CPNE5: variants seen among roughly 807,000 people sequenced by gnomAD.
The protein encoded by CPNE5 is copine-5.
A neutral mutation model predicts 81.1 loss-of-function variants in CPNE5; 42 were observed. That is an observed-to-expected ratio of 0.52 (90% CI 0.40 to 0.67). CPNE5 has a LOEUF of 0.67. Ranked by LOEUF, CPNE5 falls within the 30% of genes least tolerant of loss-of-function variation. CPNE5 has a pLI of 0.00. For missense variants in CPNE5, 612 were observed against 815.5 expected (o/e 0.75, Z 3.04); for synonymous variants, 313 against 321.5 (o/e 0.97, Z 0.28).
chr6:36,803,915 C>T (rs1221326936), intron 3 of CPNE5, among the ~76,000 whole-genome samples: 6 of 152,066 alleles, frequency 3.9e-5, no homozygotes, highest in African/African-American at 9.7e-5. Context: ...CCTAGGTGAT[C>T]GTAATGTGCA....
At chr6:36,809,298 G>A (rs1025442768) in intron 3 of CPNE5, among the ~76,000 whole-genome samples, 1 of 152,104 alleles carries the variant, frequency 6.6e-6, no homozygotes, top group African/African-American at 2.4e-5. Context: ...CAACCCTCCT[G>A]TGATTTCCTT....
rs1763639000 is a variant in CPNE5 at position 36,742,328 on chromosome 6, G to A, written c.1722C>T (p.His574=). Residue 574 remains histidine (H), a synonymous_variant, in exon 21 of 21, where the codon CAC becomes CAT. Coordinates refer to ENST00000244751, the MANE Select transcript of CPNE5 (RefSeq NM_020939.2). ...RPRPPPAAPT[H]SPSQSPARTP... is the part of the protein sequence containing the mutation. ...TGCGGGCTGGGGACTGCGAGGGCGA[G>A]TGGGTTGGTGCTGCGGGTGGGGGAC... The A allele has an allele frequency of 1.9e-6, 3 of 1,611,882 alleles. No homozygotes were observed. Among genetic ancestry groups the A allele is most frequent in the South Asian group, 2.2e-5 (2 of 91,062 alleles).
At position 36,794,459 on chromosome 6, in the gene CPNE5, ACT is replaced by A. The variant is rs1369169651; in HGVS notation, c.464+129_464+130del. ...CTGGGTGCCTAAGGAGGAACCCAGG[ACT>A]CTCTGTCCCCGGATCAGGGCCAAAT... is the stretch of plus-strand genomic sequence containing the variant. On this transcript the variant is annotated intron_variant, in intron 7 of 20. Transcript: ENST00000244751. The A allele has an allele frequency of 3.6e-5, 29 of 809,192 alleles. No individual in the cohort carries two copies. The East Asian group carries it at 5.9e-4, about 16-fold the overall frequency. 50.1% of individuals were successfully genotyped at this position (809,192 alleles called of 1,614,324 possible).
At chr6:36,792,118 G>C in intron 7 of CPNE5, 22 bp from the exon 8 acceptor site, 1 of 1,610,090 alleles carries the variant, frequency 6.2e-7, no homozygotes, top group Non-Finnish European at 8.5e-7. Context: ...GAAGATGAAA[G>C]AATGGAAAGC....
At chr6:36,798,328 G>T in intron 5 of CPNE5, 87 bp from the exon 6 acceptor site, 1 of 1,503,878 alleles carries the variant, frequency 6.6e-7, no homozygotes, top group Non-Finnish European at 9.2e-7. Context: ...TCCTGGAAGC[G>T]TGAGGGCCCT....
At chr6:36,799,212 T>C (rs1409209324) in intron 4 of CPNE5, among the ~76,000 whole-genome samples, 1 of 152,124 alleles carries the variant, frequency 6.6e-6, no homozygotes, top group Non-Finnish European at 1.5e-5. Context: ...CACTCTCTTA[T>C]CAACCTTCTC....
rs374909181 is a variant in CPNE5 at position 36,762,829 on chromosome 6, GC to G, written c.855+87del. 1.6e-4 allele frequency: 168 copies of G among 1,035,308 alleles called. No homozygotes were observed. In the African/African-American group the frequency reaches 2.3e-3, roughly 14 times the overall value. 64.1% of individuals were successfully genotyped at this position (1,035,308 alleles called of 1,614,324 possible). On this transcript the variant is annotated intron_variant, in intron 12 of 20. Transcript: ENST00000244751. ...CCTTTCTCACAGGAAAACACACCAA[GC>G]CCCCAGCCCAGTGCATGGCTCACTA...
intron 3 of CPNE5, among the ~76,000 whole-genome samples, chr6:36,817,926 C>T (rs1297346533): frequency 6.6e-6 from 1 of 152,164 alleles, no homozygotes; most frequent in Non-Finnish European, 1.5e-5. Flanking sequence ...ACCCTTGAGA[C>T]TCACCATCTT....
At chr6:36,807,594 A>T (rs1342537742) in intron 3 of CPNE5, among the ~76,000 whole-genome samples, 1 of 151,722 alleles carries the variant, frequency 6.6e-6, no homozygotes, top group Non-Finnish European at 1.5e-5. Context: ...TACCACTAAC[A>T]TTTCCTCTTC....
rs1766597859 is a variant in CPNE5 at position 36,766,753 on chromosome 6, C to T, written c.738-1377G>A. Among the ~76,000 whole-genome samples the T allele has an allele frequency of 6.6e-6, 1 of 152,160 alleles. No individual in the cohort carries two copies. Among genetic ancestry groups the T allele is most frequent in the African/African-American group, 2.4e-5 (1 of 41,422 alleles). ...TAATAACGGCCTTGCAGAACAGCTG[C>T]AAGAACAAGCTAGTAAGGCCCGCCT... On this transcript the variant is annotated intron_variant, in intron 10 of 20. Coordinates refer to ENST00000244751, the MANE Select transcript of CPNE5 (RefSeq NM_020939.2). The surrounding 1 kb of genome is among the most constrained non-coding windows in gnomAD (Gnocchi z 4.2).
At chr6:36,747,490 ATGATAACTATCCTCAG>A (rs1359514715) in intron 15 of CPNE5, among the ~76,000 whole-genome samples, 1 of 152,224 alleles carries the variant, frequency 6.6e-6, no homozygotes, top group Non-Finnish European at 1.5e-5. Context: ...TATCGATATT[ATGATAACTATCCTCAG>A]TGTTATTATT....
chr6:36,761,516 G>A (rs371289904), intron 12 of CPNE5, among the ~76,000 whole-genome samples: 67 of 152,322 alleles, frequency 4.4e-4, no homozygotes, highest in African/African-American at 1.5e-3. Context: ...GGTAGCATGG[G>A]ATTTGGATTC....
intron 9 of CPNE5, among the ~76,000 whole-genome samples, chr6:36,777,353 C>A (rs527884273): frequency 5.3e-5 from 8 of 151,914 alleles, no homozygotes; most frequent in South Asian, 2.1e-4. Context: ...TCCCTTTCCC[C>A]GCACCCTCCC....
chr6:36,822,371 C>T (rs753486084), intron 2 of CPNE5, among the ~76,000 whole-genome samples: 8 of 151,972 alleles, frequency 5.3e-5, no homozygotes, highest in Non-Finnish European at 1.0e-4. Flanking sequence ...AATCTGGCCC[C>T]CCAAGCCTGG....
At chr6:36,837,808 G>T (rs1190273977) in intron 1 of CPNE5, among the ~76,000 whole-genome samples, 7 of 152,104 alleles carry the variant, frequency 4.6e-5, no homozygotes, top group Admixed American at 2.6e-4. Flanking sequence ...AAGATGACAG[G>T]CATGATTGAA....
At chr6:36,830,376 C>T (rs568148826) in intron 1 of CPNE5, among the ~76,000 whole-genome samples, 1 of 152,288 alleles carries the variant, frequency 6.6e-6, no homozygotes, top group South Asian at 2.1e-4. Flanking sequence ...TCCTGCCCAG[C>T]TCCCAGACCT....
At chr6:36,758,016 A>G (rs1765654289) in intron 12 of CPNE5, among the ~76,000 whole-genome samples, 1 of 152,136 alleles carries the variant, frequency 6.6e-6, no homozygotes, top group African/African-American at 2.4e-5. Flanking sequence ...ACAAAATCAG[A>G]GCAGGCTCTA....
chr6:36,803,796 A>G (rs1200791882), intron 3 of CPNE5, among the ~76,000 whole-genome samples: 1 of 152,196 alleles, frequency 6.6e-6, no homozygotes, highest in Non-Finnish European at 1.5e-5. Context: ...TAAAAAATAT[A>G]TGCTTTAACA....
At chr6:36,796,334 A>AC (rs1374803479) in intron 6 of CPNE5, among the ~76,000 whole-genome samples, 3 of 151,906 alleles carry the variant, frequency 2.0e-5, no homozygotes, top group Non-Finnish European at 4.4e-5. Context: ...ATACTCCCCC[A>AC]CCCCCAGAGG....
Sources: gnomAD v4.1 joint callset for allele counts (sites outside exome capture counted in the v4.1 genomes callset) on GRCh38, gnomAD v4.1.1 for gene constraint, Gnocchi (gnomAD v3.1) non-coding constraint, MANE v1.5 for transcripts, NCBI Gene and HGNC (gene_info 2026-07-23, HGNC 2026-07-21) for gene names.